Variants in ZC3H18 observed in about 807,000 individuals in gnomAD.
ZC3H18 encodes the protein zinc finger CCCH domain-containing protein 18.
Under a neutral mutation model 106.1 loss-of-function variants are expected in ZC3H18, and 8 were observed. The ratio of observed to expected loss-of-function variants is 0.08; its 90% CI spans 0.04 to 0.14. The LOEUF is 0.14. ZC3H18 is among the 10% of genes least tolerant of loss of function. ZC3H18 has a pLI of 1.00. For missense variants in ZC3H18, 1,318 were observed against 1,278.4 expected, an observed-to-expected ratio of 1.03 and a Z score of -0.47; for synonymous variants, 635 against 522.1, an observed-to-expected ratio of 1.22 and a Z score of -2.95.
intron 1 of ZC3H18, chr16:88,571,715 A>G: frequency 1.0e-6 from 1 of 977,864 alleles, no homozygotes; most frequent in Non-Finnish European, 1.2e-6. Flanking sequence ...AGAGATTTGT[A>G]TTTTGTCACA....
chr16:88,581,536 C>T (rs1294239180), intron 2 of ZC3H18, among the ~76,000 whole-genome samples: 3 of 152,190 alleles, frequency 2.0e-5, no homozygotes, highest in East Asian at 1.9e-4. Context: ...CGCTGGCCTG[C>T]GTGGTGGGGT....
intron 8 of ZC3H18, among the ~76,000 whole-genome samples, 156 bp from the exon 9 acceptor site, chr16:88,622,041 G>C (rs554777852): frequency 6.6e-6 from 1 of 152,210 alleles, no homozygotes; most frequent in Non-Finnish European, 1.5e-5. Flanking sequence ...GATGGGTTTT[G>C]TGAGTGGCCT....
At chr16:88,623,062 TCTGTGCGCGCGTCTGCAG>T (rs568912137) in intron 9 of ZC3H18, 139 bp from the exon 10 acceptor site, 129 of 1,026,668 alleles carry the variant, frequency 1.3e-4, no homozygotes, top group South Asian at 9.0e-4. Flanking sequence ...GCTGTATGCG[TCTGTGCGCGCGTCTGCAG>T]CTGTGCGCGC....
chr16:88,628,592 G>A, intron 15 of ZC3H18, 166 bp from the exon 16 acceptor site: 1 of 679,028 alleles, frequency 1.5e-6, no homozygotes, highest in East Asian at 2.7e-5. Flanking sequence ...GGTGCCCTTG[G>A]TCCGGGTCCT....
chr16:88,576,045 C>T (rs896398359), intron 1 of ZC3H18, among the ~76,000 whole-genome samples: 4 of 152,300 alleles, frequency 2.6e-5, no homozygotes, highest in Admixed American at 1.3e-4. Flanking sequence ...GGACTACAGG[C>T]GCCTGCCACC....
chr16:88,622,150 T>G, intron 8 of ZC3H18, 47 bp from the exon 9 acceptor site: 1 of 1,571,966 alleles, frequency 6.4e-7, no homozygotes, highest in Non-Finnish European at 8.7e-7. Context: ...GGCATTGCTG[T>G]GAAGCGGAAG....
chr16:88,622,982 C>T lies in ZC3H18; in HGVS notation c.1668-237C>T, dbSNP rs569090672. 180 of 579,244 alleles carry T rather than the reference C, an allele frequency of 3.1e-4. No homozygotes were observed. The South Asian group carries it at 3.5e-3, about 11-fold the overall frequency. The allele number at this position is 579,244 out of a possible 1,614,324, so 35.9% of individuals were successfully genotyped here. A position where few individuals can be genotyped will look rare whatever the true frequency, so the allele number is the denominator to read the frequency against. Reference sequence around the variant, plus strand: ...ACCCGGTAACAGCAGGCACACCCCACGCCCAGGTCTTGATTTCTAAATGCC... The same window carrying T: ...ACCCGGTAACAGCAGGCACACCCCATGCCCAGGTCTTGATTTCTAAATGCC... On this transcript the variant is annotated intron_variant, in intron 9 of 17. Coordinates refer to ENST00000301011, the MANE Select transcript of ZC3H18 (RefSeq NM_144604.4).
Position 88,625,205 on chromosome 16 carries a change from G to T in ZC3H18, c.2046G>T (p.Arg682=). The T allele has an allele frequency of 6.3e-7, 1 of 1,587,668 alleles. No individual in the cohort carries two copies. Among genetic ancestry groups the T allele is most frequent in the Non-Finnish European group, 8.6e-7 (1 of 1,167,294 alleles). ...ERPARTPPRR[R]TLSGSGSGSG... is the part of the protein sequence containing the mutation. The stretch of plus-strand genomic sequence containing the variant: ...CCCGCTGTTGCTTGTATTACAGGCG[G>T]ACGCTAAGCGGCAGCGGCAGTGGCA... Residue 682 remains arginine (R), a synonymous_variant, in exon 13 of 18, where the codon CGG becomes CGT. Coordinates refer to ENST00000301011, the MANE Select transcript of ZC3H18 (RefSeq NM_144604.4).
At position 88,577,166 on chromosome 16, in the gene ZC3H18, G is replaced by A. The variant is rs773948519; in HGVS notation, c.43G>A (p.Glu15Lys). The A allele has an allele frequency of 2.2e-5, 35 of 1,599,086 alleles. No homozygotes were observed. Among genetic ancestry groups the A allele is most frequent in the Non-Finnish European group, 2.8e-5 (33 of 1,171,260 alleles). The change falls in exon 2 of 18, where the codon GAG becomes AAG. Residue 15 changes from glutamate (E) to lysine (K), a missense_variant. By Grantham distance (56) the Glu-to-Lys change is moderately conservative (BLOSUM62 1). Coordinates refer to ENST00000301011, the MANE Select transcript of ZC3H18 (RefSeq NM_144604.4). ...CCCTGAACGGGATCCTCACTCTCCA[G>A]AGGATGAAGAGCAGCCACAGGGACT... ...ESPERDPHSP[E>K]DEEQPQGLSD...
intron 1 of ZC3H18, among the ~76,000 whole-genome samples, chr16:88,574,765 C>T (rs999295525): frequency 6.7e-6 from 1 of 148,342 alleles, no homozygotes; most frequent in African/African-American, 2.5e-5. Flanking sequence ...CCGCCCACCT[C>T]AGCCTCCCAA....
intron 3 of ZC3H18, among the ~76,000 whole-genome samples, chr16:88,593,268 G>T (rs1255673351): frequency 6.6e-6 from 1 of 152,156 alleles, no homozygotes; most frequent in Non-Finnish European, 1.5e-5. Flanking sequence ...CTGGGTCACT[G>T]AGCCACAGTG....
At position 88,598,637 on chromosome 16, in the gene ZC3H18, T is replaced by C. The variant is rs1337131976; in HGVS notation, c.855T>C (p.Asp285=). 2.5e-6 allele frequency: 4 copies of C among 1,611,398 alleles called. No individual in the cohort carries two copies. The highest frequency in any genetic ancestry group is 3.4e-6 in the Non-Finnish European group (4 of 1,178,692). The part of the protein sequence containing the change: ...PANPWGGPVV[D]EILPPPPPEP... The stretch of plus-strand genomic sequence containing the variant: ...TTCAATAGGGTGGGCCGGTAGTTGA[T>C]GAAATTTTGCCTCCACCCCCTCCAG... Residue 285 remains aspartate, a synonymous_variant, in exon 5 of 18, where the codon GAT becomes GAC. Coordinates refer to ENST00000301011, the MANE Select transcript of ZC3H18 (RefSeq NM_144604.4).
At position 88,586,591 on chromosome 16, in the gene ZC3H18, C is replaced by T. The variant is rs557530627; in HGVS notation, c.604-9C>T. On this transcript the variant is annotated splice_polypyrimidine_tract_variant and intron_variant, in intron 2 of 17. Transcript: ENST00000301011. ...CTCCCCCACGCTAAGACGGTGTTCT[C>T]TGTTTCAGGATGATGACCTGGAAGA... 4.3e-6 allele frequency: 7 copies of T among 1,613,792 alleles called. No homozygotes were observed. Among genetic ancestry groups the T allele is most frequent in the Non-Finnish European group, 5.9e-6 (7 of 1,179,644 alleles).
intron 15 of ZC3H18, 119 bp from the exon 16 acceptor site, chr16:88,628,639 T>C: frequency 9.5e-7 from 1 of 1,053,440 alleles, no homozygotes; most frequent in East Asian, 2.4e-5. Flanking sequence ...CTCATGGGTG[T>C]GTGGTGGGAC....
At chr16:88,590,491 A>T (rs1915680088) in intron 3 of ZC3H18, among the ~76,000 whole-genome samples, 1 of 151,244 alleles carries the variant, frequency 6.6e-6, no homozygotes, top group Admixed American at 6.6e-5. Flanking sequence ...GATCATCAGG[A>T]CACAAAGTTC....
intron 11 of ZC3H18, 119 bp downstream of exon 11, chr16:88,624,181 G>A: frequency 7.1e-7 from 1 of 1,412,742 alleles, no homozygotes; most frequent in Non-Finnish European, 9.6e-7. Context: ...ATGCCTCAGG[G>A]GGCTGGCCCC....
rs559062911 is a variant in ZC3H18, at chr16:88,578,127, C to T, written c.603+401C>T. ...AAACCACGTGGGTTTCCACTCTTGT[C>T]AGGTTTTTGGACTGAAAAGAATGAG... On this transcript the variant is annotated intron_variant, in intron 2 of 17. Transcript: ENST00000301011. Among the ~76,000 whole-genome samples the T allele has an allele frequency of 9.2e-5, 14 of 152,312 alleles. No individual in the cohort carries two copies. In the South Asian group the frequency reaches 2.7e-3, roughly 29 times the overall value.
intron 1 of ZC3H18, among the ~76,000 whole-genome samples, chr16:88,572,486 A>C (rs752232183): frequency 6.6e-6 from 1 of 151,968 alleles, no homozygotes; most frequent in Admixed American, 6.6e-5. Context: ...ATATCTATCA[A>C]GTATCATCTG....
chr16:88,592,012 G>C (rs1203784282), intron 3 of ZC3H18, among the ~76,000 whole-genome samples: 1 of 152,202 alleles, frequency 6.6e-6, no homozygotes, highest in Admixed American at 6.5e-5. Context: ...CCTGGTGGTT[G>C]TGTGTTTCAT....
Sources: gnomAD v4.1 joint callset for allele counts (sites outside exome capture counted in the v4.1 genomes callset) on GRCh38, gnomAD v4.1.1 for gene constraint, MANE v1.5 for transcripts, NCBI Gene and HGNC (gene_info 2026-07-23, HGNC 2026-07-21) for gene names.